The following LRIG1 variants were observed in gnomAD, a reference collection of about 807,000 sequenced individuals.
LRIG1 encodes the protein leucine-rich repeats and immunoglobulin-like domains protein 1.
LRIG1 carries 48 observed loss-of-function variants against 99.2 expected under a neutral mutation model. That is an observed-to-expected ratio of 0.48 (90% CI 0.38 to 0.62). The LOEUF is 0.62. Among genes scored for constraint, LRIG1 ranks in the 20% least tolerant of loss-of-function variants. LRIG1 has a pLI of 0.00. For synonymous variants in LRIG1, 772 were observed against 596.1 expected (o/e 1.29, Z -4.30); for missense variants, 1,646 against 1,434.4 (o/e 1.15, Z -2.38).
intron 3 of LRIG1, among the ~76,000 whole-genome samples, chr3:66,446,275 A>G (rs1407241306): frequency 1.3e-5 from 2 of 151,966 alleles, no homozygotes; most frequent in Non-Finnish European, 2.9e-5. Flanking sequence ...ACCCCCGGGG[A>G]AGGGGGAAGG....
intron 1 of LRIG1, among the ~76,000 whole-genome samples, chr3:66,475,052 A>T (rs1399660777): frequency 6.6e-6 from 1 of 152,210 alleles, no homozygotes; most frequent in Admixed American, 6.5e-5. Flanking sequence ...CAGAAAATCC[A>T]AGCCCACTGG....
At chr3:66,457,582 G>T (rs550054990) in intron 2 of LRIG1, among the ~76,000 whole-genome samples, 1 of 152,186 alleles carries the variant, frequency 6.6e-6, no homozygotes, top group East Asian at 1.9e-4. Context: ...TCTCGCATGT[G>T]CAAGGCCCTG....
intron 12 of LRIG1, 190 bp from the exon 13 acceptor site, chr3:66,386,491 G>C (rs1701383077): frequency 1.7e-6 from 1 of 593,664 alleles, no homozygotes; most frequent in South Asian, 2.0e-5. Flanking sequence ...CATCTAATTA[G>C]AAGTCTGTGA....
chr3:66,500,092 C>A (rs535168852), intron 1 of LRIG1, 98 bp downstream of exon 1: 3 of 945,148 alleles, frequency 3.2e-6, no homozygotes, highest in East Asian at 3.2e-5. Context: ...ACACACACAA[C>A]CCAGTCCGCA....
chr3:66,484,670 G>A (rs1700929234), intron 1 of LRIG1, among the ~76,000 whole-genome samples: 1 of 152,146 alleles, frequency 6.6e-6, no homozygotes, highest in South Asian at 2.1e-4. Context: ...CAGGTAAGAA[G>A]CGCGATGAGG....
chr3:66,407,922 C>T (rs576449846), intron 7 of LRIG1, among the ~76,000 whole-genome samples: 1 of 152,340 alleles, frequency 6.6e-6, no homozygotes, highest in South Asian at 2.1e-4. Context: ...CCCAGTCACA[C>T]TCCCTGCATC....
chr3:66,415,110 C>T (rs1159187216), intron 4 of LRIG1, 47 bp from the exon 5 acceptor site: 1 of 1,551,614 alleles, frequency 6.4e-7, no homozygotes, highest in East Asian at 2.3e-5. Context: ...CAAAGGCCTT[C>T]CTCATTTCAT....
intron 3 of LRIG1, among the ~76,000 whole-genome samples, chr3:66,436,701 G>T (rs542374652): frequency 1.5e-4 from 23 of 152,098 alleles, no homozygotes; most frequent in Non-Finnish European, 2.6e-4. Flanking sequence ...CTGTGGTAGC[G>T]AAGTCTAAAC....
chr3:66,457,549 A>G (rs1336820146), intron 2 of LRIG1, among the ~76,000 whole-genome samples: 2 of 152,194 alleles, frequency 1.3e-5, no homozygotes, highest in Non-Finnish European at 2.9e-5. Context: ...GCAGGAGAGA[A>G]GAGGGATAAT....
chr3:66,471,921 A>G (rs1482797021), intron 1 of LRIG1, among the ~76,000 whole-genome samples: 2 of 152,148 alleles, frequency 1.3e-5, no homozygotes, highest in Non-Finnish European at 2.9e-5. Flanking sequence ...CCCCTGCTAA[A>G]TGTCCACTTT....
chr3:66,399,754 C>T (rs1454092493), intron 9 of LRIG1, among the ~76,000 whole-genome samples: 3 of 152,256 alleles, frequency 2.0e-5, no homozygotes, highest in African/African-American at 4.8e-5. Context: ...GGCAACATAG[C>T]GGGATGTTGT....
intron 3 of LRIG1, among the ~76,000 whole-genome samples, chr3:66,426,693 C>G (rs1017881452): frequency 6.6e-6 from 1 of 152,212 alleles, no homozygotes; most frequent in Non-Finnish European, 1.5e-5. Flanking sequence ...AGGTTCCTTA[C>G]TGGAGCCAGT....
chr3:66,407,784 C>G (rs1702328757), intron 7 of LRIG1, among the ~76,000 whole-genome samples: 1 of 152,238 alleles, frequency 6.6e-6, no homozygotes, highest in Non-Finnish European at 1.5e-5. Context: ...GAGGTCATGA[C>G]ACACAACAAC....
intron 12 of LRIG1, among the ~76,000 whole-genome samples, chr3:66,390,791 G>A (rs536062916): frequency 3.3e-5 from 5 of 152,054 alleles, no homozygotes; most frequent in South Asian, 2.1e-4. Context: ...AAAAGCATAC[G>A]TAATAAAAGA....
intron 3 of LRIG1, among the ~76,000 whole-genome samples, chr3:66,428,587 T>C (rs1703056734): frequency 6.6e-6 from 1 of 152,196 alleles, no homozygotes; most frequent in Non-Finnish European, 1.5e-5. Context: ...CATACAGAAC[T>C]TGAAAATTAA....
At chr3:66,463,483 G>C (rs1413580696) in intron 1 of LRIG1, among the ~76,000 whole-genome samples, 1 of 152,168 alleles carries the variant, frequency 6.6e-6, no homozygotes, top group Non-Finnish European at 1.5e-5. Flanking sequence ...CATACCCTTA[G>C]AGGCGGACAA....
chr3:66,467,052 C>T (rs1351043145), intron 1 of LRIG1, among the ~76,000 whole-genome samples: 2 of 152,154 alleles, frequency 1.3e-5, no homozygotes, highest in South Asian at 2.1e-4. Context: ...TTCAGCCCAC[C>T]GTTCGCTGAA....
At chr3:66,406,317 G>A in intron 8 of LRIG1, 1 of 985,570 alleles carries the variant, frequency 1.0e-6, no homozygotes, top group Non-Finnish European at 1.2e-6. Context: ...GTGGCTTTGT[G>A]TGCCTGTCTC....
intron 1 of LRIG1, among the ~76,000 whole-genome samples, chr3:66,491,807 T>C (rs887988151): frequency 3.9e-5 from 6 of 152,190 alleles, no homozygotes; most frequent in Admixed American, 3.9e-4. Context: ...CTGATGATTG[T>C]TGAAGATGGG....
Sources: allele counts gnomAD v4.1 joint callset (sites outside exome capture counted in the v4.1 genomes callset), GRCh38; gene constraint gnomAD v4.1.1; transcripts MANE v1.5; gene names NCBI Gene and HGNC (gene_info 2026-07-23, HGNC 2026-07-21).